Variants in RHPN2 observed in about 807,000 individuals in gnomAD.
RHPN2 encodes rhophilin Rho GTPase binding protein 2.
In RHPN2, 40 loss-of-function variants were observed where a neutral mutation model predicts 79.0. The observed-to-expected ratio is 0.51, with a 90% CI of 0.39 to 0.66. The LOEUF (loss-of-function observed/expected upper bound fraction) is 0.66. RHPN2 is among the 30% of genes least tolerant of loss of function. The probability of loss-of-function intolerance (pLI) is 0.00; values close to 1 mark genes in which losing one functional copy is unlikely to be tolerated. For synonymous variants in RHPN2, 285 were observed against 363.5 expected (o/e 0.78, Z 2.46); for missense variants, 686 against 883.5 (o/e 0.78, Z 2.83).
chr19:33,047,206 T>C (rs1378467166), intron 1 of RHPN2, among the ~76,000 whole-genome samples: 1 of 152,218 alleles, frequency 6.6e-6, no homozygotes, highest in East Asian at 1.9e-4. Flanking sequence ...ATCTGTCTGG[T>C]TGAAAATTAT....
At chr19:33,035,843 G>A (rs993648358) in intron 2 of RHPN2, among the ~76,000 whole-genome samples, 1 of 152,138 alleles carries the variant, frequency 6.6e-6, no homozygotes, top group Non-Finnish European at 1.5e-5. Flanking sequence ...CGGGCCGGGC[G>A]CCATGGCTCA....
chr19:33,025,419 T>C (rs953638220), intron 3 of RHPN2, among the ~76,000 whole-genome samples: 7 of 151,700 alleles, frequency 4.6e-5, no homozygotes, highest in African/African-American at 7.3e-5. Flanking sequence ...GAGGTGGAGA[T>C]TGCAGTGAGC....
chr19:32,984,552 G>A (rs878942998), intron 14 of RHPN2, among the ~76,000 whole-genome samples: 2 of 151,922 alleles, frequency 1.3e-5, no homozygotes, highest in Non-Finnish European at 2.9e-5. Context: ...CCAGCTACTC[G>A]GGAGGCTGAG....
In RHPN2 at chr19:33,008,135, C is replaced by A; in HGVS notation, c.639G>T (p.Leu213=). The change falls in exon 7 of 15, where the codon CTG becomes CTT. Residue 213 remains leucine (L), a synonymous_variant. Transcript: ENST00000254260. ...TGVPVSQQNL[L]LEKASVLFNT... ...TGAACAGGACACTGGCCTTCTCCAGCAGCAGGTTCTGCTGGCTGACCGGAA... is the reference window on the plus strand; with the variant it reads ...TGAACAGGACACTGGCCTTCTCCAGAAGCAGGTTCTGCTGGCTGACCGGAA... The A allele has an allele frequency of 6.2e-7, 1 of 1,614,114 alleles. No individual in the cohort carries two copies. The highest frequency in any genetic ancestry group is 8.5e-7 in the Non-Finnish European group (1 of 1,180,020).
intron 6 of RHPN2, among the ~76,000 whole-genome samples, 185 bp from the exon 7 acceptor site, chr19:33,008,365 C>T (rs1971810690): frequency 1.3e-5 from 2 of 151,766 alleles, no homozygotes; most frequent in South Asian, 4.2e-4. Flanking sequence ...GATCCTCCCA[C>T]CTCAGCCTCA....
intron 1 of RHPN2, among the ~76,000 whole-genome samples, chr19:33,045,936 G>A (rs968718144): frequency 1.3e-5 from 2 of 152,088 alleles, no homozygotes; most frequent in African/African-American, 2.4e-5. Context: ...TCATATAAAC[G>A]GAATCATATA....
chr19:33,061,964 G>A (rs935438248), intron 1 of RHPN2, among the ~76,000 whole-genome samples: 3 of 152,016 alleles, frequency 2.0e-5, no homozygotes, highest in East Asian at 1.9e-4. Flanking sequence ...CACCACACCC[G>A]ACCCTCATTT....
In RHPN2 at chr19:33,064,761, CCCGCCCGCCCGAAG is replaced by C; in HGVS notation, c.69+9_69+22del. 1 of 1,308,928 alleles carries C rather than the reference CCCGCCCGCCCGAAG, an allele frequency of 7.6e-7. No homozygotes were observed. The highest frequency in any genetic ancestry group is 1.0e-6 in the Non-Finnish European group (1 of 971,672). The allele number at this position is 1,308,928 out of a possible 1,614,324, so 81.1% of individuals were successfully genotyped here. A position where few individuals can be genotyped will look rare whatever the true frequency, so the allele number is the denominator to read the frequency against. On this transcript the variant is annotated intron_variant, in intron 1 of 14. Transcript: ENST00000254260. ...GAGGTCTGGAGCCCGCAGGTCCCCGCCCGCCCGCCCGAAGCCGCCCACCTTCCGAAAGTAGCCGT... is the reference window on the plus strand; with the variant it reads ...GAGGTCTGGAGCCCGCAGGTCCCCGCCCGCCCACCTTCCGAAAGTAGCCGT...
At chr19:32,998,529 C>T (rs1971721284) in intron 10 of RHPN2, among the ~76,000 whole-genome samples, 1 of 151,886 alleles carries the variant, frequency 6.6e-6, no homozygotes, top group African/African-American at 2.4e-5. Flanking sequence ...TGCCTGTAGT[C>T]CCAGCTACTC....
intron 6 of RHPN2, among the ~76,000 whole-genome samples, chr19:33,010,971 C>T (rs1343293727): frequency 6.6e-6 from 1 of 152,216 alleles, no homozygotes; most frequent in Non-Finnish European, 1.5e-5. Context: ...GTGTGAGCCA[C>T]TGTACCCGGC....
At chr19:32,983,367 C>A (rs963546345) in intron 14 of RHPN2, among the ~76,000 whole-genome samples, 1 of 151,886 alleles carries the variant, frequency 6.6e-6, no homozygotes, top group South Asian at 2.1e-4. Context: ...AAAAAATTAG[C>A]CGGGCGTGGT....
chr19:32,996,099 G>A lies in RHPN2; in HGVS notation c.1347C>T (p.Arg449=). 6.2e-7 allele frequency: 1 copy of A among 1,614,060 alleles called. No homozygotes were observed. Among genetic ancestry groups the A allele is most frequent in the Non-Finnish European group, 8.5e-7 (1 of 1,179,908 alleles). ...GGTGCTGGGCGTACGTGAGCCGGGA[G>A]CGTTCCTGTGCGGCACACAGCACCT... ...LQKVLCAAQE[R]SRLTYAQHQE... Residue 449 remains arginine, a synonymous_variant, in exon 11 of 15, where the codon CGC becomes CGT. Coordinates refer to ENST00000254260, the MANE Select transcript of RHPN2 (RefSeq NM_033103.5).
At chr19:33,021,516 A>G (rs1365405358) in intron 4 of RHPN2, 55 bp downstream of exon 4, 2 of 1,429,870 alleles carry the variant, frequency 1.4e-6, no homozygotes, top group Middle Eastern at 1.7e-4. Context: ...GCCACTGCAA[A>G]TGGCCTATTT....
At chr19:32,991,314 C>T in intron 13 of RHPN2, 1 of 195,974 alleles carries the variant, frequency 5.1e-6, no homozygotes, top group Non-Finnish European at 1.1e-5. Context: ...AAAAAATTAG[C>T]CAGGCATGGT....
intron 1 of RHPN2, among the ~76,000 whole-genome samples, chr19:33,050,419 C>A (rs181157790): frequency 6.6e-6 from 1 of 152,142 alleles, no homozygotes; most frequent in Non-Finnish European, 1.5e-5. Flanking sequence ...ATAAAATACA[C>A]ATATTTTAAG....
At chr19:33,054,326 G>A (rs1466504278) in intron 1 of RHPN2, among the ~76,000 whole-genome samples, 5 of 150,618 alleles carry the variant, frequency 3.3e-5, no homozygotes, top group Non-Finnish European at 5.9e-5. Context: ...TCAGCCTCCC[G>A]AGTAGCTGGG....
intron 1 of RHPN2, among the ~76,000 whole-genome samples, chr19:33,061,726 C>A (rs374109087): frequency 3.8e-4 from 58 of 152,262 alleles, no homozygotes; most frequent in Middle Eastern, 6.8e-3. Context: ...TCAAGTGATC[C>A]ACCTGCCTCA....
chr19:33,064,711 G>C, intron 1 of RHPN2, 73 bp downstream of exon 1: 1 of 1,432,760 alleles, frequency 7.0e-7, no homozygotes, highest in Non-Finnish European at 9.3e-7. Context: ...GCGCTCCCAC[G>C]GCCCCTGCAG....
At chr19:33,030,976 C>T (rs1156858765) in intron 2 of RHPN2, among the ~76,000 whole-genome samples, 2 of 152,160 alleles carry the variant, frequency 1.3e-5, no homozygotes, top group Non-Finnish European at 2.9e-5. Flanking sequence ...CCCACTGCCA[C>T]CTCCTCAGGT....
Sources: gnomAD v4.1 joint callset for allele counts (sites outside exome capture counted in the v4.1 genomes callset) on GRCh38, gnomAD v4.1.1 for gene constraint, MANE v1.5 for transcripts, NCBI Gene and HGNC (gene_info 2026-07-23, HGNC 2026-07-21) for gene names.